PIWIL3: variants seen among roughly 807,000 people sequenced by gnomAD.
PIWIL3 encodes the protein piwi-like protein 3.
PIWIL3 carries 101 observed loss-of-function variants against 109.7 expected under a neutral mutation model. The ratio of observed to expected loss-of-function variants is 0.92; its 90% CI spans 0.78 to 1.09. The LOEUF is 1.09. PIWIL3 is among the 50% of genes least tolerant of loss of function. The probability of loss-of-function intolerance (pLI) is 0.00; values close to 1 mark genes in which losing one functional copy is unlikely to be tolerated. For synonymous variants in PIWIL3, 373 were observed against 376.4 expected (o/e 0.99, Z 0.10); for missense variants, 1,031 against 1,072.6 (o/e 0.96, Z 0.54).
At chr22:24,757,567 C>T (rs1173948618) in intron 4 of PIWIL3, among the ~76,000 whole-genome samples, 1 of 122,970 alleles carries the variant, frequency 8.1e-6, no homozygotes, top group Non-Finnish European at 1.9e-5. Flanking sequence ...GTAAGGATGG[C>T]TTGGGCCAGT....
intron 19 of PIWIL3, 88 bp downstream of exon 19, chr22:24,723,042 G>T (rs533273163): frequency 1.4e-6 from 2 of 1,426,014 alleles, no homozygotes; most frequent in Non-Finnish European, 1.9e-6. Context: ...GTGCTTTAAG[G>T]TAAAGTTATT....
chr22:24,720,301 T>C (rs986017082), intron 19 of PIWIL3, among the ~76,000 whole-genome samples: 3 of 136,240 alleles, frequency 2.2e-5, no homozygotes, highest in Non-Finnish European at 3.1e-5. Flanking sequence ...AGACGGAGTC[T>C]GGCTCTGTCG....
intron 19 of PIWIL3, among the ~76,000 whole-genome samples, chr22:24,722,450 C>T (rs1260139619): frequency 2.0e-5 from 3 of 152,036 alleles, no homozygotes; most frequent in African/African-American, 7.2e-5. Flanking sequence ...TGGTGGCTCA[C>T]ACCTGTAATC....
At chr22:24,754,907 AT>A in intron 6 of PIWIL3, 43 bp from the exon 7 acceptor site, 1 of 1,512,458 alleles carries the variant, frequency 6.6e-7, no homozygotes, top group East Asian at 2.3e-5. Flanking sequence ...TACAGGGTAC[AT>A]TATTAAGCAT....
chr22:24,756,455 A>G, intron 5 of PIWIL3, 36 bp downstream of exon 5: 1 of 1,574,048 alleles, frequency 6.4e-7, no homozygotes, highest in South Asian at 1.1e-5. Flanking sequence ...AAACAAGAGA[A>G]AGAACACAGG....
At chr22:24,768,568 T>G (rs969310348) in intron 1 of PIWIL3, among the ~76,000 whole-genome samples, 36 of 152,260 alleles carry the variant, frequency 2.4e-4, no homozygotes, top group Admixed American at 2.0e-3. Flanking sequence ...CCCTTTTTCA[T>G]TCTGCAGACA....
At position 24,735,676 on chromosome 22, in the gene PIWIL3, G is replaced by A. The variant is rs758503076; in HGVS notation, c.1634+32C>T. The A allele has an allele frequency of 4.6e-5, 70 of 1,535,792 alleles. No homozygotes were observed. The East Asian group carries it at 8.1e-4, about 18-fold the overall frequency. ...TTATACTTTAAGATTGCTAACAATC[G>A]ATTTTCAAATGGGAATTTCTGCTCT... is the stretch of plus-strand genomic sequence containing the variant. On this transcript the variant is annotated intron_variant, in intron 13 of 20. Coordinates refer to ENST00000616349, the MANE Select transcript of PIWIL3 (RefSeq NM_001255975.1).
chr22:24,756,383 C>A (rs1281228342), intron 5 of PIWIL3, 108 bp downstream of exon 5: 3 of 1,070,688 alleles, frequency 2.8e-6, no homozygotes, highest in East Asian at 5.2e-5. Flanking sequence ...GGCAAGAGAG[C>A]CTTGGGATGT....
intron 14 of PIWIL3, among the ~76,000 whole-genome samples, chr22:24,730,372 A>AG (rs71705478): frequency 0.01 from 1,567 of 151,732 alleles, 15 homozygotes; most frequent in Middle Eastern, 0.027. Context: ...TCAAAAAAAA[A>AG]AAAAAAAAAA....
intron 4 of PIWIL3, among the ~76,000 whole-genome samples, chr22:24,757,623 C>CAT (rs1925131464): frequency 3.6e-5 from 5 of 138,818 alleles, no homozygotes; most frequent in Non-Finnish European, 6.3e-5. Flanking sequence ...CATACACACA[C>CAT]ACACACACAC....
At chr22:24,740,544 T>G (rs1923943659) in intron 12 of PIWIL3, among the ~76,000 whole-genome samples, 1 of 103,214 alleles carries the variant, frequency 9.7e-6, no homozygotes, top group African/African-American at 3.6e-5. Context: ...CAAGACTCCA[T>G]CTCAAAAAAA....
intron 1 of PIWIL3, among the ~76,000 whole-genome samples, chr22:24,769,419 T>C (rs919150788): frequency 5.3e-5 from 8 of 152,054 alleles, no homozygotes; most frequent in Non-Finnish European, 7.4e-5. Flanking sequence ...GAGACCATAC[T>C]AGCTAACATG....
At chr22:24,764,410 C>T (rs1349713667) in intron 1 of PIWIL3, among the ~76,000 whole-genome samples, 1 of 152,156 alleles carries the variant, frequency 6.6e-6, no homozygotes. Flanking sequence ...CCTGCTGGGG[C>T]CGGTGTAACT....
intron 19 of PIWIL3, among the ~76,000 whole-genome samples, chr22:24,722,023 A>T (rs1189624066): frequency 1.3e-5 from 2 of 152,236 alleles, no homozygotes; most frequent in East Asian, 3.8e-4. Context: ...TTCTTAGGAT[A>T]AGTGTCATAC....
chr22:24,758,113 A>G (rs1415142696), intron 3 of PIWIL3, 74 bp from the exon 4 acceptor site: 27 of 1,489,640 alleles, frequency 1.8e-5, no homozygotes, highest in Middle Eastern at 3.5e-4. Context: ...AACACCCAGC[A>G]TAAGTTTGTT....
chr22:24,729,186 A>ACAC (rs1348584502), intron 14 of PIWIL3, among the ~76,000 whole-genome samples: 3 of 152,126 alleles, frequency 2.0e-5, no homozygotes, highest in Non-Finnish European at 4.4e-5. Context: ...CAGATAAGGG[A>ACAC]AATTTCTTAG....
At chr22:24,747,449 G>T (rs889901048) in intron 12 of PIWIL3, among the ~76,000 whole-genome samples, 7 of 152,072 alleles carry the variant, frequency 4.6e-5, no homozygotes, top group African/African-American at 1.7e-4. Context: ...AGCAAAAATG[G>T]ATATGTAGGA....
Position 24,728,043 on chromosome 22 carries a change from G to A in PIWIL3, c.1916C>T (p.Thr639Ile), listed in dbSNP as rs146110645. The change falls in exon 16 of 21, where the codon ACA becomes ATA. Residue 639 changes from threonine to isoleucine, a missense_variant. By Grantham distance (89) the Thr-to-Ile change is moderately conservative. Transcript: ENST00000616349. ...GAAACAATCAATGCCAACGAACATT[G>A]TTCTTTGTACCTTAAGTTTGTTTTT... Reference protein sequence around the residue: ...LWKVETDVQRTMFVGIDCFHD... With the variant: ...LWKVETDVQRIMFVGIDCFHD... The A allele has an allele frequency of 6.8e-6, 11 of 1,613,758 alleles. No homozygotes were observed. Among genetic ancestry groups the A allele is most frequent in the Non-Finnish European group, 9.3e-6 (11 of 1,179,926 alleles).
At chr22:24,762,218 C>T (rs1925479106) in intron 2 of PIWIL3, 180 bp downstream of exon 2, 3 of 1,149,654 alleles carry the variant, frequency 2.6e-6, no homozygotes, top group African/African-American at 1.6e-5. Context: ...GTGGAGAGTA[C>T]ATCTGAGTAG....
Sources: gnomAD v4.1 joint callset for allele counts (sites outside exome capture counted in the v4.1 genomes callset) on GRCh38, gnomAD v4.1.1 for gene constraint, MANE v1.5 for transcripts, NCBI Gene and HGNC (gene_info 2026-07-23, HGNC 2026-07-21) for gene names.